AGBL4: variants seen among roughly 807,000 people sequenced by gnomAD.
AGBL4 encodes the protein cytosolic carboxypeptidase 6.
AGBL4 carries 58 observed loss-of-function variants against 66.4 expected under a neutral mutation model. The ratio of observed to expected loss-of-function variants is 0.87; its 90% CI spans 0.71 to 1.09. The LOEUF (loss-of-function observed/expected upper bound fraction) is 1.09. Among genes scored for constraint, AGBL4 ranks in the 50% least tolerant of loss-of-function variants. AGBL4 has a pLI of 0.00. For missense variants in AGBL4, 579 were observed against 631.0 expected, an observed-to-expected ratio of 0.92 and a Z score of 0.88; for synonymous variants, 234 against 222.9, an observed-to-expected ratio of 1.05 and a Z score of -0.44.
At chr1:48,892,129 G>A (rs1356294282) in intron 5 of AGBL4, among the ~76,000 whole-genome samples, 2 of 152,036 alleles carry the variant, frequency 1.3e-5, no homozygotes. Context: ...CAATAATTTT[G>A]CCTCTTCCAG....
At chr1:48,949,441 T>C (rs1656788698) in intron 5 of AGBL4, among the ~76,000 whole-genome samples, 1 of 152,196 alleles carries the variant, frequency 6.6e-6, no homozygotes, top group Non-Finnish European at 1.5e-5. Context: ...AGAGTCTATA[T>C]ACAGTGGATA....
intron 3 of AGBL4, among the ~76,000 whole-genome samples, chr1:49,441,104 CT>C (rs1236282808): frequency 6.6e-6 from 1 of 152,264 alleles, no homozygotes; most frequent in African/African-American, 2.4e-5. Context: ...CACAACACCC[CT>C]GTTAGCTTCA....
chr1:49,258,152 C>G (rs1338304214), intron 3 of AGBL4, among the ~76,000 whole-genome samples: 1 of 152,218 alleles, frequency 6.6e-6, no homozygotes, highest in Non-Finnish European at 1.5e-5. Context: ...AAAAACCCAT[C>G]TGTACATCAC....
chr1:48,871,613 T>C (rs1475810078), intron 5 of AGBL4, among the ~76,000 whole-genome samples: 1 of 152,046 alleles, frequency 6.6e-6, no homozygotes, highest in Non-Finnish European at 1.5e-5. Flanking sequence ...TGGTGCCCCA[T>C]GGACATTCAG....
At chr1:49,501,715 A>T in intron 3 of AGBL4, among the ~76,000 whole-genome samples, 2 of 149,426 alleles carry the variant, frequency 1.3e-5, no homozygotes, top group African/African-American at 2.5e-5. Context: ...TTTATTTGAG[A>T]TTTTTCTTAT....
At chr1:49,360,442 T>A (rs1246219536) in intron 3 of AGBL4, among the ~76,000 whole-genome samples, 1 of 152,236 alleles carries the variant, frequency 6.6e-6, no homozygotes, top group Non-Finnish European at 1.5e-5. Context: ...TTTTCTATAG[T>A]CATTATAATT....
At chr1:49,984,280 C>G (rs1454325233) in intron 1 of AGBL4, among the ~76,000 whole-genome samples, 1 of 152,164 alleles carries the variant, frequency 6.6e-6, no homozygotes, top group Admixed American at 6.5e-5. Flanking sequence ...GGACTGATTT[C>G]AGTAACTTTC....
chr1:49,118,246 A>T (rs570421474), intron 4 of AGBL4, among the ~76,000 whole-genome samples: 7 of 152,164 alleles, frequency 4.6e-5, no homozygotes. Flanking sequence ...AGAACTTCCA[A>T]CACTATGTTG....
intron 5 of AGBL4, among the ~76,000 whole-genome samples, chr1:48,974,941 A>G (rs1407952447): frequency 6.6e-6 from 1 of 152,116 alleles, no homozygotes; most frequent in Non-Finnish European, 1.5e-5. Context: ...CTTTTTTATC[A>G]TAATCTAGTC....
intron 2 of AGBL4, among the ~76,000 whole-genome samples, chr1:49,781,168 C>A (rs1557440190): frequency 6.6e-6 from 1 of 152,028 alleles, no homozygotes. Flanking sequence ...AGCGGGAGGA[C>A]TGATTGAGGC....
intron 1 of AGBL4, among the ~76,000 whole-genome samples, chr1:49,894,970 C>G (rs1004784321): frequency 1.3e-5 from 2 of 151,958 alleles, no homozygotes; most frequent in African/African-American, 2.4e-5. Flanking sequence ...AATTAATAAT[C>G]AAACTCCCAA....
chr1:49,216,359 A>T (rs1649089803), intron 4 of AGBL4, among the ~76,000 whole-genome samples: 1 of 152,162 alleles, frequency 6.6e-6, no homozygotes, highest in South Asian at 2.1e-4. Context: ...CCTAACACAC[A>T]GATAGCAAGT....
chr1:49,137,242 A>C (rs1175325501), intron 4 of AGBL4, among the ~76,000 whole-genome samples: 1 of 152,218 alleles, frequency 6.6e-6, no homozygotes, highest in Non-Finnish European at 1.5e-5. Flanking sequence ...TTGAACCCTC[A>C]TCTTCCTGAA....
chr1:48,779,457 C>T (rs1321725832), intron 6 of AGBL4, among the ~76,000 whole-genome samples: 3 of 152,166 alleles, frequency 2.0e-5, no homozygotes, highest in African/African-American at 4.8e-5. Context: ...CCTTTCCCAA[C>T]CACCCACACT....
At chr1:49,214,653 T>G (rs1323472570) in intron 4 of AGBL4, among the ~76,000 whole-genome samples, 1 of 152,118 alleles carries the variant, frequency 6.6e-6, no homozygotes, top group Non-Finnish European at 1.5e-5. Context: ...GCAAATTGCT[T>G]AGGTTCCCCC....
intron 1 of AGBL4, among the ~76,000 whole-genome samples, chr1:49,962,244 G>A (rs539441430): frequency 8.5e-5 from 13 of 152,194 alleles, no homozygotes; most frequent in African/African-American, 2.6e-4. Context: ...CAATCCCTTC[G>A]TTAAGTTGTC....
intron 2 of AGBL4, among the ~76,000 whole-genome samples, chr1:49,736,988 T>C (rs576122625): frequency 6.6e-6 from 1 of 151,964 alleles, no homozygotes; most frequent in South Asian, 2.1e-4. Context: ...AGTCAGACAA[T>C]TTGACATTTT....
intron 2 of AGBL4, among the ~76,000 whole-genome samples, chr1:49,743,446 C>T (rs1041250377): frequency 2.6e-5 from 4 of 152,184 alleles, no homozygotes; most frequent in African/African-American, 9.7e-5. Context: ...CACTTTTACA[C>T]TGTTGGTGGG....
chr1:49,493,313 C>A (rs1226672446), intron 3 of AGBL4, among the ~76,000 whole-genome samples: 2 of 151,914 alleles, frequency 1.3e-5, no homozygotes, highest in East Asian at 3.9e-4. Context: ...CTGTCAGAAA[C>A]AAGAGCAGAT....
Sources: gnomAD v4.1 joint callset for allele counts (sites outside exome capture counted in the v4.1 genomes callset) on GRCh38, gnomAD v4.1.1 for gene constraint, MANE v1.5 for transcripts, NCBI Gene and HGNC (gene_info 2026-07-23, HGNC 2026-07-21) for gene names.